The following RNF43 variants were observed in gnomAD, a reference collection of about 807,000 sequenced individuals.
The protein encoded by RNF43 is ring finger protein 43.
In RNF43, 37 loss-of-function variants were observed where a neutral mutation model predicts 78.4. The observed-to-expected ratio is 0.47, with a 90% CI of 0.36 to 0.62. The LOEUF (loss-of-function observed/expected upper bound fraction) is 0.62, where lower values mean the gene tolerates loss of function less well. Among genes scored for constraint, RNF43 ranks in the 20% least tolerant of loss-of-function variants. RNF43 has a pLI of 0.00. For missense variants in RNF43, 774 were observed against 1,007.9 expected, an observed-to-expected ratio of 0.77 and a Z score of 3.14; for synonymous variants, 347 against 395.0, an observed-to-expected ratio of 0.88 and a Z score of 1.44.
chr17:58,361,114 G>A (rs1042071399), intron 6 of RNF43, among the ~76,000 whole-genome samples, 170 bp from the exon 7 acceptor site: 2 of 152,184 alleles, frequency 1.3e-5, no homozygotes, highest in African/African-American at 4.8e-5. Flanking sequence ...AGCATGCCAA[G>A]CTCTCCCAGT....
chr17:58,360,207 A>G lies in RNF43; in HGVS notation c.894T>C (p.Cys298=), dbSNP rs1172333434. 4 of 1,614,034 alleles carry G rather than the reference A, an allele frequency of 2.5e-6. No individual in the cohort carries two copies. Among genetic ancestry groups the G allele is most frequent in the Non-Finnish European group, 2.5e-6 (3 of 1,180,034 alleles). Residue 298 remains cysteine, a synonymous_variant, in exon 8 of 10, where the codon TGT becomes TGC. Transcript: ENST00000407977. The surrounding 1 kb of genome is among the most constrained non-coding windows in gnomAD (Gnocchi z 4.3). Reference sequence around the variant, plus strand: ...GATGCTGATGTAACCAGGGGTCCACACAGTTACGATGGAACTCATGGAGGC... The same window carrying G: ...GATGCTGATGTAACCAGGGGTCCACGCAGTTACGATGGAACTCATGGAGGC... ...ISCLHEFHRN[C]VDPWLHQHRT...
chr17:58,355,504 T>C (rs1237051721), intron 9 of RNF43, among the ~76,000 whole-genome samples: 1 of 152,066 alleles, frequency 6.6e-6, no homozygotes, highest in East Asian at 1.9e-4. Flanking sequence ...TTTATGGGAA[T>C]AGAGAAGGCA....
chr17:58,397,583 A>T (rs898620544), intron 2 of RNF43, among the ~76,000 whole-genome samples: 2 of 152,176 alleles, frequency 1.3e-5, no homozygotes, highest in Admixed American at 6.5e-5. Context: ...GAATCACTTG[A>T]ATCTGGGAGG....
chr17:58,363,350 A>G lies in RNF43; in HGVS notation c.507T>C (p.Ala169=), dbSNP rs2143468528. 1 of 1,613,590 alleles carries G rather than the reference A, an allele frequency of 6.2e-7. No individual in the cohort carries two copies. Among genetic ancestry groups the G allele is most frequent in the African/African-American group, 1.3e-5 (1 of 74,780 alleles). ...TGTACACAAACTCCATCAGCTTCTC[A>G]GCGTCATTACCCCAGATCAACACCA... ...WPVVLIWGND[A]EKLMEFVYKN... The change falls in exon 5 of 10, where the codon GCT becomes GCC. Residue 169 remains alanine, a synonymous_variant. Coordinates refer to ENST00000407977, the MANE Select transcript of RNF43 (RefSeq NM_017763.6).
At chr17:58,362,681 C>A (rs1972863071) in intron 5 of RNF43, 33 bp from the exon 6 acceptor site, 2 of 1,538,900 alleles carry the variant, frequency 1.3e-6, no homozygotes, top group African/African-American at 2.8e-5. Context: ...AAGGGTCATA[C>A]TTCCGGGATG....
intron 9 of RNF43, among the ~76,000 whole-genome samples, chr17:58,355,915 G>A (rs1331873972): frequency 6.6e-6 from 1 of 152,320 alleles, no homozygotes; most frequent in East Asian, 1.9e-4. Context: ...ATCAGTACTG[G>A]ACTTGAAAAG....
At chr17:58,411,005 A>G (rs1798029942) in intron 2 of RNF43, among the ~76,000 whole-genome samples, 2 of 152,202 alleles carry the variant, frequency 1.3e-5, no homozygotes, top group Admixed American at 6.5e-5. Context: ...CAGCAACACC[A>G]CTTACTAGAT....
rs1331007076 is a variant in RNF43, at chr17:58,371,031, G to A, written c.255C>T (p.Ser85=). 5 of 1,583,972 alleles carry A rather than the reference G, an allele frequency of 3.2e-6. No individual in the cohort carries two copies. Among genetic ancestry groups the A allele is most frequent in the Non-Finnish European group, 2.6e-6 (3 of 1,162,210 alleles). ...ITPAEGKLMQ[S]HPLYLCNASD... ...TGGCATTGCACAGGTACAGCGGGTG[G>A]GACTGCAGAGAGAGACAGACTTGGG... The change falls in exon 3 of 10, where the codon TCC becomes TCT. Residue 85 remains serine (S), a splice_region_variant and synonymous_variant. Transcript: ENST00000407977.
chr17:58,355,692 C>G (rs750466982), intron 9 of RNF43, among the ~76,000 whole-genome samples: 2 of 152,098 alleles, frequency 1.3e-5, no homozygotes, highest in African/African-American at 2.4e-5. Context: ...TGTGGACAAA[C>G]AGAACATTTG....
At chr17:58,400,314 G>A (rs573576213) in intron 2 of RNF43, among the ~76,000 whole-genome samples, 4 of 152,110 alleles carry the variant, frequency 2.6e-5, no homozygotes, top group South Asian at 4.1e-4. Flanking sequence ...TTGTCCTTTC[G>A]GCTACATTAA....
At chr17:58,413,958 G>T (rs1475295945) in intron 2 of RNF43, among the ~76,000 whole-genome samples, 2 of 152,118 alleles carry the variant, frequency 1.3e-5, no homozygotes, top group African/African-American at 2.4e-5. Context: ...ACTAGGCAAG[G>T]CCAGGAAGGA....
intron 2 of RNF43, among the ~76,000 whole-genome samples, chr17:58,398,864 G>GAGC (rs770555585): frequency 7.3e-4 from 111 of 152,316 alleles, no homozygotes; most frequent in Middle Eastern, 3.4e-3. Flanking sequence ...TTCTTTCAAA[G>GAGC]AGCTTCTAAA....
chr17:58,398,705 T>G (rs1408078374), intron 2 of RNF43, among the ~76,000 whole-genome samples: 2 of 152,248 alleles, frequency 1.3e-5, no homozygotes, highest in East Asian at 3.9e-4. Context: ...TCCAATAGCC[T>G]CAATAAATGT....
intron 2 of RNF43, among the ~76,000 whole-genome samples, chr17:58,386,313 C>T (rs1416946070): frequency 6.6e-6 from 1 of 151,126 alleles, no homozygotes; most frequent in African/African-American, 2.4e-5. Context: ...GTAGTCCCAG[C>T]TACTTGGGAG....
chr17:58,359,382 G>T (rs1972778924), intron 8 of RNF43, among the ~76,000 whole-genome samples: 1 of 151,204 alleles, frequency 6.6e-6, no homozygotes, highest in Non-Finnish European at 1.5e-5. Context: ...GGGTCACAAG[G>T]TCAGGAGATC....
At chr17:58,415,056 A>G (rs182183563) in intron 2 of RNF43, among the ~76,000 whole-genome samples, 77 of 152,350 alleles carry the variant, frequency 5.1e-4, no homozygotes, top group African/African-American at 1.7e-3. Flanking sequence ...TCACTTGAAA[A>G]AAAGGTATTA....
Position 58,354,559 on chromosome 17 carries a change from T to A in RNF43, c.*384A>T. ...CCACTGGCTGGTATGAACATGAGGC[T>A]TGGGGTGAGGGAAACCAAGTAGGGG... is the stretch of plus-strand genomic sequence containing the variant. On this transcript the variant is annotated 3_prime_UTR_variant, in exon 10 of 10. Transcript: ENST00000407977. 2.7e-6 allele frequency: 1 copy of A among 371,774 alleles called. No individual in the cohort carries two copies. The highest frequency in any genetic ancestry group is 2.0e-5 in the African/African-American group (1 of 50,158). 23.0% of individuals were successfully genotyped at this position (371,774 alleles called of 1,614,324 possible).
chr17:58,358,042 G>A lies in RNF43; in HGVS notation c.1734C>T (p.Ser578=), dbSNP rs2143401780. ...KPGPETGVPQ[S]RPPIPRTQPQ... is the part of the protein sequence containing the mutation. ...GCTGTGTCCGAGGAATAGGAGGCCT[G>A]GACTGGGGGACTCCGGTTTCTGGGC... The change falls in exon 9 of 10, where the codon TCC becomes TCT. Residue 578 remains serine (S), a synonymous_variant. Coordinates refer to ENST00000407977, the MANE Select transcript of RNF43 (RefSeq NM_017763.6). The surrounding 1 kb of genome is among the most constrained non-coding windows in gnomAD (Gnocchi z 6.2). 1.3e-6 allele frequency: 2 copies of A among 1,590,142 alleles called. No individual in the cohort carries two copies. Among genetic ancestry groups the A allele is most frequent in the South Asian group, 1.1e-5 (1 of 87,024 alleles).
intron 3 of RNF43, among the ~76,000 whole-genome samples, chr17:58,363,860 G>A (rs1297293939): frequency 6.6e-6 from 1 of 152,206 alleles, no homozygotes; most frequent in Non-Finnish European, 1.5e-5. Flanking sequence ...CTTAAGGGGG[G>A]TTTACAGGGT....
Sources: allele counts gnomAD v4.1 joint callset (sites outside exome capture counted in the v4.1 genomes callset), GRCh38; gene constraint gnomAD v4.1.1; non-coding constraint Gnocchi (gnomAD v3.1); transcripts MANE v1.5; gene names NCBI Gene and HGNC (gene_info 2026-07-23, HGNC 2026-07-21).